The following MAF variants were observed in gnomAD, a reference collection of about 807,000 sequenced individuals.
The protein encoded by MAF is MAF bZIP transcription factor, also known as transcription factor Maf.
Under a neutral mutation model 22.0 loss-of-function variants are expected in MAF, and 10 were observed. That is an observed-to-expected ratio of 0.45 (90% confidence interval 0.28 to 0.77). The LOEUF is 0.77. Ranked by LOEUF, MAF falls within the 30% of genes least tolerant of loss-of-function variation. The probability of loss-of-function intolerance (pLI) is 0.12; values close to 1 mark genes in which losing one functional copy is unlikely to be tolerated. For missense variants in MAF, 544 were observed against 548.4 expected (o/e 0.99, Z 0.08); for synonymous variants, 337 against 255.8 (o/e 1.32, Z -3.03).
the MAF span, among the ~76,000 whole-genome samples, chr16:79,266,033 CTTTTCTTTTTCT>C: frequency 6.7e-6 from 1 of 149,624 alleles, no homozygotes; most frequent in South Asian, 2.1e-4. Flanking sequence ...TTCTTCTTTT[CTTTTCTTTTTCT>C]TTTTCTTTTA....
chr16:79,302,109 C>T, the MAF span, among the ~76,000 whole-genome samples: 1 of 152,230 alleles, frequency 6.6e-6, no homozygotes, highest in African/African-American at 2.4e-5. Context: ...CGCCTTCCTA[C>T]ACCTGGGGTC....
the MAF span, among the ~76,000 whole-genome samples, chr16:79,566,896 C>A: frequency 8.5e-5 from 13 of 152,182 alleles, no homozygotes; most frequent in African/African-American, 2.9e-4. Flanking sequence ...TAGGGACCCT[C>A]TTTCCAGAAA....
chr16:79,553,077 G>A, the MAF span, among the ~76,000 whole-genome samples: 1 of 152,206 alleles, frequency 6.6e-6, no homozygotes, highest in African/African-American at 2.4e-5. Context: ...CTGCAAAATG[G>A]GTTATTAATA....
At chr16:79,249,997 T>G in the MAF span, among the ~76,000 whole-genome samples, 1 of 152,376 alleles carries the variant, frequency 6.6e-6, no homozygotes, top group Admixed American at 6.5e-5. Context: ...CTCAATTCTC[T>G]GGCCTGGCCT....
At chr16:79,397,869 C>T in the MAF span, among the ~76,000 whole-genome samples, 1 of 152,194 alleles carries the variant, frequency 6.6e-6, no homozygotes, top group Non-Finnish European at 1.5e-5. Context: ...GCTGATTCTA[C>T]CTACCTAACC....
the MAF span, among the ~76,000 whole-genome samples, chr16:79,435,751 T>G: frequency 1.3e-5 from 2 of 152,196 alleles, no homozygotes; most frequent in Non-Finnish European, 2.9e-5. Flanking sequence ...CGCCGAGATG[T>G]GCATTTGTCT....
the MAF span, among the ~76,000 whole-genome samples, chr16:79,538,447 T>A: frequency 6.6e-6 from 1 of 152,088 alleles, no homozygotes; most frequent in Non-Finnish European, 1.5e-5. Flanking sequence ...ATAAAAACCA[T>A]AAAAATGAAG....
chr16:79,489,973 C>T, the MAF span, among the ~76,000 whole-genome samples: 1 of 152,074 alleles, frequency 6.6e-6, no homozygotes, highest in Admixed American at 6.6e-5. Context: ...GGAGGTAGAG[C>T]ATAAGGTAGA....
the MAF span, among the ~76,000 whole-genome samples, chr16:79,487,545 T>A: frequency 6.6e-6 from 1 of 152,154 alleles, no homozygotes; most frequent in Non-Finnish European, 1.5e-5. Context: ...CCTGAAATGG[T>A]TTTTAAAATG....
the MAF span, among the ~76,000 whole-genome samples, chr16:79,580,166 A>T: frequency 6.6e-6 from 1 of 152,136 alleles, no homozygotes; most frequent in South Asian, 2.1e-4. Context: ...GTCAGGACCA[A>T]AACACTCCAA....
chr16:79,391,830 ATGGGAGAAAG>A, the MAF span, among the ~76,000 whole-genome samples: 1 of 149,350 alleles, frequency 6.7e-6, no homozygotes. Context: ...GTAATGAGGC[ATGGGAGAAAG>A]TGGGGGAAAG....
At chr16:79,392,880 A>T in the MAF span, among the ~76,000 whole-genome samples, 1 of 152,178 alleles carries the variant, frequency 6.6e-6, no homozygotes, top group African/African-American at 2.4e-5. Flanking sequence ...TGTACGGCCC[A>T]AGTTTGGGGG....
the MAF span, among the ~76,000 whole-genome samples, chr16:79,404,639 T>A: frequency 3.1e-5 from 2 of 65,404 alleles, no homozygotes; most frequent in Non-Finnish European, 6.4e-5. Context: ...TTTTTTTAAA[T>A]TTTTTTTTTT....
the MAF span, among the ~76,000 whole-genome samples, chr16:79,542,452 G>A: frequency 6.6e-6 from 1 of 152,150 alleles, no homozygotes; most frequent in Non-Finnish European, 1.5e-5. Context: ...GGGGTCAGTG[G>A]CCCCAGGGAC....
chr16:79,321,430 A>C, the MAF span, among the ~76,000 whole-genome samples: 1 of 152,160 alleles, frequency 6.6e-6, no homozygotes, highest in Non-Finnish European at 1.5e-5. Flanking sequence ...AGAGGAAGAG[A>C]GGGAAAGGGC....
At chr16:79,255,609 A>T in the MAF span, among the ~76,000 whole-genome samples, 1 of 152,220 alleles carries the variant, frequency 6.6e-6, no homozygotes, top group Non-Finnish European at 1.5e-5. Context: ...TGAGGGGGTC[A>T]CAGACAACCC....
chr16:79,279,109 A>C, the MAF span, among the ~76,000 whole-genome samples: 1 of 152,186 alleles, frequency 6.6e-6, no homozygotes, highest in Non-Finnish European at 1.5e-5. Context: ...CCTGTCATCA[A>C]CATTTTATAG....
chr16:79,512,576 G>A, the MAF span, among the ~76,000 whole-genome samples: 1 of 152,166 alleles, frequency 6.6e-6, no homozygotes, highest in African/African-American at 2.4e-5. Context: ...CTTCTGAGAA[G>A]AAACCTCCTT....
chr16:79,446,771 C>T, the MAF span, among the ~76,000 whole-genome samples: 1 of 151,578 alleles, frequency 6.6e-6, no homozygotes, highest in African/African-American at 2.4e-5. Flanking sequence ...TAGCCGAGCA[C>T]AGTGGTAAGC....
Sources: gnomAD v4.1 joint callset for allele counts (sites outside exome capture counted in the v4.1 genomes callset) on GRCh38, gnomAD v4.1.1 for gene constraint, MANE v1.5 for transcripts, NCBI Gene and HGNC (gene_info 2026-07-23, HGNC 2026-07-21) for gene names.